Variants in CDK12 observed in about 807,000 individuals in gnomAD.
The protein encoded by CDK12 is cyclin dependent kinase 12.
A neutral mutation model predicts 133.8 loss-of-function variants in CDK12; 17 were observed. The observed-to-expected ratio is 0.13, with a 90% CI of 0.09 to 0.19. The LOEUF is 0.19. Ranked by LOEUF, CDK12 falls within the 10% of genes least tolerant of loss-of-function variation. The probability of loss-of-function intolerance (pLI) is 1.00; values close to 1 mark genes in which losing one functional copy is unlikely to be tolerated. For missense variants in CDK12, 1,508 were observed against 1,818.7 expected, an observed-to-expected ratio of 0.83 and a Z score of 3.11; for synonymous variants, 694 against 683.6, an observed-to-expected ratio of 1.02 and a Z score of -0.24.
At position 39,493,856 on chromosome 17, in the gene CDK12, C is replaced by T. The variant is rs533522310; in HGVS notation, c.2249-668C>T. ...CTAAAAATAGAAAAAATTAGCCAGG[C>T]GTGGTGCCACACGCCTGTAGTCCCA... On this transcript the variant is annotated intron_variant, in intron 4 of 13. Transcript: ENST00000447079. 2.2e-4 allele frequency among the ~76,000 whole-genome samples: 34 copies of T among 151,856 alleles called. 1 individual carries two copies. Among genetic ancestry groups the T allele is most frequent in the Admixed American group, 3.3e-4 (5 of 15,232 alleles).
upstream of CDK12, among the ~76,000 whole-genome samples, chr17:39,545,430 C>T (rs953235405): frequency 3.3e-5 from 5 of 151,102 alleles, no homozygotes; most frequent in Non-Finnish European, 5.9e-5. Flanking sequence ...CTCAAGCAGT[C>T]TGCCTGCCTC....
chr17:39,530,498 T>A, intron 13 of CDK12, 106 bp from the exon 14 acceptor site: 1 of 1,433,302 alleles, frequency 7.0e-7, no homozygotes, highest in East Asian at 2.3e-5. Flanking sequence ...TTTATATATC[T>A]GGTTACTTAT....
At chr17:39,566,175 C>A (rs573756967), downstream of CDK12, among the ~76,000 whole-genome samples, 41 of 152,294 alleles carry the variant, frequency 2.7e-4, 1 homozygote, top group African/African-American at 8.2e-4. Context: ...CAAACTGTCA[C>A]ATTTAACTAA....
rs778206491 is a variant in CDK12 at position 39,490,548 on chromosome 17, ATTG to A, written c.1932-6_1932-4del. 1.9e-6 allele frequency: 3 copies of A among 1,584,460 alleles called. 1 individual carries two copies. The highest frequency in any genetic ancestry group is 2.6e-6 in the Non-Finnish European group (3 of 1,165,142). On this transcript the variant is annotated splice_region_variant and splice_polypyrimidine_tract_variant and intron_variant, in intron 2 of 13. Transcript: ENST00000447079. ...GTAATTTTGTCATCTCTTCTCATTT[ATTG>A]TTTAGTCCAAAAGAAACTCTTCCTT...
At chr17:39,516,298 T>C (rs2146478929) in intron 9 of CDK12, among the ~76,000 whole-genome samples, 1 of 151,944 alleles carries the variant, frequency 6.6e-6, no homozygotes, top group South Asian at 2.1e-4. Context: ...TTTGGGTGGG[T>C]TTGTTTTTGT....
chr17:39,479,409 A>T (rs1567701178), intron 2 of CDK12, among the ~76,000 whole-genome samples: 1 of 152,072 alleles, frequency 6.6e-6, no homozygotes, highest in Non-Finnish European at 1.5e-5. Flanking sequence ...AATGTTGAGA[A>T]TGTGACTTAC....
intron 7 of CDK12, among the ~76,000 whole-genome samples, chr17:39,510,153 T>A (rs1433496956): frequency 7.2e-6 from 1 of 138,866 alleles, no homozygotes; most frequent in African/African-American, 2.7e-5. Context: ...GGAGTCTCAA[T>A]CTGTCACCTG....
intron 11 of CDK12, among the ~76,000 whole-genome samples, chr17:39,522,565 G>A (rs2054246567): frequency 6.6e-6 from 1 of 152,104 alleles, no homozygotes; most frequent in Non-Finnish European, 1.5e-5. Context: ...CTCCTGAGTA[G>A]CTGGATTACA....
intron 13 of CDK12, among the ~76,000 whole-genome samples, chr17:39,528,955 A>G (rs914648344): frequency 6.6e-6 from 1 of 152,208 alleles, no homozygotes; most frequent in Non-Finnish European, 1.5e-5. Context: ...CATTACTTGT[A>G]GTCCAGTTTG....
chr17:39,476,802 A>G (rs1597958504), intron 2 of CDK12, among the ~76,000 whole-genome samples: 1 of 126,042 alleles, frequency 7.9e-6, no homozygotes, highest in Non-Finnish European at 1.6e-5. Context: ...AGCTCACGCA[A>G]CCTCCGCCTC....
At position 39,517,475 on chromosome 17, in the gene CDK12, C is replaced by G. The variant is rs2053886081; in HGVS notation, c.2882C>G (p.Pro961Arg). Residue 961 changes from proline to arginine, a missense_variant, in exon 10 of 14, where the codon CCT (proline) becomes CGT (arginine). Pro to Arg is a moderately radical substitution (Grantham distance 103, BLOSUM62 -2). Transcript: ENST00000447079. The stretch of plus-strand genomic sequence containing the variant: ...GGTAGCCCTTGTCCAGCTGTGTGGC[C>G]TGATGTTATCAAACTGCCCTACTTC... ...LCGSPCPAVW[P>R]DVIKLPYFNT... 6.2e-7 allele frequency: 1 copy of G among 1,613,718 alleles called. No individual in the cohort carries two copies. Among genetic ancestry groups the G allele is most frequent in the Non-Finnish European group, 8.5e-7 (1 of 1,179,648 alleles).
chr17:39,523,521 GAC>G (rs1446472496), intron 11 of CDK12, among the ~76,000 whole-genome samples: 3 of 152,116 alleles, frequency 2.0e-5, no homozygotes, highest in Non-Finnish European at 4.4e-5. Flanking sequence ...ATTTGTCAGT[GAC>G]AGTATTATAG....
chr17:39,565,750 A>G (rs1294053126), downstream of CDK12, among the ~76,000 whole-genome samples: 1 of 152,156 alleles, frequency 6.6e-6, no homozygotes, highest in Non-Finnish European at 1.5e-5. Context: ...TCATATTTCT[A>G]TCTGTAAGCA....
intron 2 of CDK12, among the ~76,000 whole-genome samples, chr17:39,477,697 C>T (rs1192703495): frequency 1.3e-5 from 2 of 151,690 alleles, no homozygotes; most frequent in Admixed American, 6.6e-5. Flanking sequence ...CTCAGCCTCC[C>T]GAGTAGCTGG....
Position 39,471,481 on chromosome 17 carries a change from C to A in CDK12, c.1649C>A (p.Pro550His). The A allele has an allele frequency of 6.2e-7, 1 of 1,613,856 alleles. No homozygotes were observed. The highest frequency in any genetic ancestry group is 1.3e-5 in the African/African-American group (1 of 74,960). ...PTTTPPPQTP[P>H]LPPLPPIPAL... ...ACTACCCCTCCACCTCAGACACCCC[C>A]TTTGCCACCTTTGCCTCCAATACCA... The change falls in exon 2 of 14, where the codon CCT becomes CAT. Residue 550 changes from proline to histidine, a missense_variant. Physicochemically the swap from Pro to His is moderately conservative, Grantham distance 77. Around this residue, in one of 9 missense-constraint regions of CDK12, gnomAD observed 347 missense variants for 330.8 expected, o/e 1.05. Coordinates refer to ENST00000447079, the MANE Select transcript of CDK12 (RefSeq NM_016507.4).
At chr17:39,474,652 C>A (rs970742821) in intron 2 of CDK12, among the ~76,000 whole-genome samples, 1 of 151,764 alleles carries the variant, frequency 6.6e-6, no homozygotes, top group African/African-American at 2.4e-5. Flanking sequence ...TTGCAGCCCT[C>A]TGGGTGAGAA....
intron 2 of CDK12, among the ~76,000 whole-genome samples, chr17:39,475,326 A>T (rs2050110715): frequency 6.6e-6 from 1 of 151,964 alleles, no homozygotes; most frequent in Non-Finnish European, 1.5e-5. Context: ...TTTAAAAATT[A>T]GTTGGATGTG....
chr17:39,527,695 G>A (rs1463648635), intron 13 of CDK12, among the ~76,000 whole-genome samples: 2 of 150,218 alleles, frequency 1.3e-5, no homozygotes, highest in African/African-American at 2.5e-5. Flanking sequence ...TTATAGGCAT[G>A]CACCTCCATG....
Position 39,461,539 on chromosome 17 carries a change from G to T in CDK12, c.-533G>T, listed in dbSNP as rs1464184316. The stretch of plus-strand genomic sequence containing the variant: ...TGACTGGGTCTGTGTGAGGGAGAGA[G>T]TGTGTGTGGTGTGGAGGTGAAACGG... On this transcript the variant is annotated 5_prime_UTR_variant, in exon 1 of 14. Coordinates refer to ENST00000447079, the MANE Select transcript of CDK12 (RefSeq NM_016507.4). The T allele has an allele frequency of 8.1e-6, 2 of 246,898 alleles. No individual in the cohort carries two copies. Among genetic ancestry groups the T allele is most frequent in the Non-Finnish European group, 1.6e-5 (2 of 124,690 alleles). 15.3% of individuals were successfully genotyped at this position (246,898 alleles called of 1,614,324 possible). A position where few individuals can be genotyped will look rare whatever the true frequency, so the allele number is the denominator to read the frequency against.
Sources: gnomAD v4.1 joint callset for allele counts (sites outside exome capture counted in the v4.1 genomes callset) on GRCh38, gnomAD v4.1.1 for gene constraint, gnomAD v4.1.1 regional missense constraint, MANE v1.5 for transcripts, NCBI Gene and HGNC (gene_info 2026-07-23, HGNC 2026-07-21) for gene names.